Variants in SEPTIN11 observed in about 807,000 individuals in gnomAD.
The protein encoded by SEPTIN11 is septin-11.
SEPTIN11 carries 25 observed loss-of-function variants against 51.4 expected under a neutral mutation model. That is an observed-to-expected ratio of 0.49 (90% CI 0.35 to 0.68). The LOEUF (loss-of-function observed/expected upper bound fraction) is 0.68, where lower values mean the gene tolerates loss of function less well. SEPTIN11 is among the 30% of genes least tolerant of loss of function. The probability of loss-of-function intolerance (pLI) is 0.00; values close to 1 mark genes in which losing one functional copy is unlikely to be tolerated. For missense variants in SEPTIN11, 381 were observed against 520.8 expected, an observed-to-expected ratio of 0.73 and a Z score of 2.61; for synonymous variants, 174 against 184.1, an observed-to-expected ratio of 0.95 and a Z score of 0.44.
At chr4:77,011,962 G>C in intron 4 of SEPTIN11, 41 bp downstream of exon 4, 1 of 1,562,968 alleles carries the variant, frequency 6.4e-7, no homozygotes, top group Non-Finnish European at 8.8e-7. Context: ...TCTCCTTTTA[G>C]ATCTTCTTTA....
At chr4:76,976,451 G>A (rs1336693882) in intron 1 of SEPTIN11, among the ~76,000 whole-genome samples, 1 of 152,160 alleles carries the variant, frequency 6.6e-6, no homozygotes, top group East Asian at 1.9e-4. Flanking sequence ...ATGTTTGACT[G>A]TCAGACGACA....
At chr4:76,964,564 A>T (rs547738146) in intron 1 of SEPTIN11, among the ~76,000 whole-genome samples, 1 of 152,334 alleles carries the variant, frequency 6.6e-6, no homozygotes, top group African/African-American at 2.4e-5. Context: ...GTGATTTAAA[A>T]AGAAAGGATG....
At chr4:76,954,749 A>G (rs1293259158) in intron 1 of SEPTIN11, among the ~76,000 whole-genome samples, 1 of 152,240 alleles carries the variant, frequency 6.6e-6, no homozygotes, top group African/African-American at 2.4e-5. Flanking sequence ...ATCGACGCCA[A>G]TGAGTGTGAG....
At chr4:76,975,482 T>C (rs528338325) in intron 1 of SEPTIN11, among the ~76,000 whole-genome samples, 1 of 152,204 alleles carries the variant, frequency 6.6e-6, no homozygotes, top group Non-Finnish European at 1.5e-5. Context: ...AATAAACTTA[T>C]TACATGTTAA....
intron 1 of SEPTIN11, among the ~76,000 whole-genome samples, chr4:76,954,673 G>C (rs1429858604): frequency 6.6e-6 from 1 of 152,236 alleles, no homozygotes; most frequent in Non-Finnish European, 1.5e-5. Flanking sequence ...CTTGACCTGA[G>C]ATAGAAATCA....
intron 1 of SEPTIN11, among the ~76,000 whole-genome samples, chr4:76,981,905 A>G (rs1016667136): frequency 6.6e-6 from 1 of 152,170 alleles, no homozygotes; most frequent in Non-Finnish European, 1.5e-5. Context: ...TTGTAAGTAC[A>G]CTAGGGAGTG....
chr4:77,001,422 T>C (rs767120719), intron 2 of SEPTIN11, among the ~76,000 whole-genome samples: 1 of 152,128 alleles, frequency 6.6e-6, no homozygotes, highest in Non-Finnish European at 1.5e-5. Flanking sequence ...CAATCTCCAC[T>C]GACTGCAACC....
At chr4:76,963,320 T>G (rs1345526858) in intron 1 of SEPTIN11, among the ~76,000 whole-genome samples, 1 of 152,288 alleles carries the variant, frequency 6.6e-6, no homozygotes, top group Non-Finnish European at 1.5e-5. Flanking sequence ...TTCCTGTGAT[T>G]ACATTTCAGT....
chr4:76,998,116 T>C (rs1297419782), intron 2 of SEPTIN11, among the ~76,000 whole-genome samples: 1 of 152,186 alleles, frequency 6.6e-6, no homozygotes, highest in Non-Finnish European at 1.5e-5. Flanking sequence ...GTTAGATGTG[T>C]AAAGCAGCCC....
intron 2 of SEPTIN11, among the ~76,000 whole-genome samples, chr4:77,000,161 A>C (rs2279711): frequency 1.3e-5 from 2 of 152,228 alleles, no homozygotes. Context: ...GTAGAGTCAA[A>C]GTAAATTAGT....
chr4:76,990,715 C>T (rs1723332080), intron 1 of SEPTIN11, among the ~76,000 whole-genome samples: 1 of 152,198 alleles, frequency 6.6e-6, no homozygotes, highest in Non-Finnish European at 1.5e-5. Flanking sequence ...CAAACTGGTC[C>T]CTGGTGCCAC....
Position 77,013,011 on chromosome 4 carries a change from C to T in SEPTIN11, c.525+1090C>T, listed in dbSNP as rs138968700. ...TGGAGAGATCACGGGCAGTGAGGGC[C>T]GCTTCCGGGTCTGTTGTGTCCTTGG... On this transcript the variant is annotated intron_variant, in intron 4 of 9. Coordinates refer to ENST00000264893, the MANE Select transcript of SEPTIN11 (RefSeq NM_018243.4). Among the ~76,000 whole-genome samples, 72 of 152,302 alleles carry T rather than the reference C, an allele frequency of 4.7e-4. 1 individual carries two copies. In the East Asian group the frequency reaches 0.012, roughly 25 times the overall value.
Position 77,034,613 on chromosome 4 carries a change from T to G in SEPTIN11, c.*101T>G, listed in dbSNP as rs958809544. The stretch of plus-strand genomic sequence containing the variant: ...TAGTTTTATTTTATTTTATTTTATT[T>G]TTTTACCCTTCCTCAAACACCAGTA... On this transcript the variant is annotated 3_prime_UTR_variant, in exon 10 of 10. Coordinates refer to ENST00000264893, the MANE Select transcript of SEPTIN11 (RefSeq NM_018243.4). 9.4e-5 allele frequency: 130 copies of G among 1,384,380 alleles called. No homozygotes were observed. Among genetic ancestry groups the G allele is most frequent in the Non-Finnish European group, 1.1e-4 (119 of 1,067,630 alleles). 85.8% of individuals were successfully genotyped at this position (1,384,380 alleles called of 1,614,324 possible).
At chr4:76,959,597 G>C (rs914236154) in intron 1 of SEPTIN11, among the ~76,000 whole-genome samples, 1 of 151,996 alleles carries the variant, frequency 6.6e-6, no homozygotes, top group African/African-American at 2.4e-5. Flanking sequence ...CAAGTCAATT[G>C]CATTTTTATA....
chr4:76,976,281 T>G (rs1389881620), intron 1 of SEPTIN11, among the ~76,000 whole-genome samples: 1 of 152,238 alleles, frequency 6.6e-6, no homozygotes, highest in Admixed American at 6.5e-5. Flanking sequence ...ATACCCCTTT[T>G]GATACCTGGC....
chr4:76,990,142 C>T (rs183636047), intron 1 of SEPTIN11, among the ~76,000 whole-genome samples: 1 of 152,114 alleles, frequency 6.6e-6, no homozygotes, highest in African/African-American at 2.4e-5. Context: ...TCAGAGTGCC[C>T]TTTTTTCAAT....
At chr4:76,977,389 A>G (rs145901876) in intron 1 of SEPTIN11, among the ~76,000 whole-genome samples, 56 of 152,316 alleles carry the variant, frequency 3.7e-4, no homozygotes, top group African/African-American at 1.1e-3. Flanking sequence ...GTGCATGTAA[A>G]GGAATGTGAG....
chr4:77,014,661 CA>C (rs11323704), intron 4 of SEPTIN11, among the ~76,000 whole-genome samples, 194 bp from the exon 5 acceptor site: 87,531 of 144,798 alleles, frequency 0.6, 25,872 homozygotes, highest in Middle Eastern at 0.64. Context: ...ATCTCTACCC[CA>C]AAAAAAAAAA....
At chr4:77,016,612 A>ACC (rs1725264757) in intron 5 of SEPTIN11, among the ~76,000 whole-genome samples, 1 of 25,704 alleles carries the variant, frequency 3.9e-5, no homozygotes, top group Non-Finnish European at 7.4e-5. Flanking sequence ...ATATATATAT[A>ACC]CACATATATA....
Sources: gnomAD v4.1 joint callset for allele counts (sites outside exome capture counted in the v4.1 genomes callset) on GRCh38, gnomAD v4.1.1 for gene constraint, MANE v1.5 for transcripts, NCBI Gene and HGNC (gene_info 2026-07-23, HGNC 2026-07-21) for gene names.